NCOA1: variants seen among roughly 807,000 people sequenced by gnomAD.
NCOA1 encodes Hin-2 protein.
In NCOA1, 35 loss-of-function variants were observed where a neutral mutation model predicts 150.9. The observed-to-expected ratio is 0.23, with a 90% CI of 0.18 to 0.31. The LOEUF (loss-of-function observed/expected upper bound fraction) is 0.31, where lower values mean the gene tolerates loss of function less well. NCOA1 is among the 10% of genes least tolerant of loss of function. The pLI is 1.00. For missense variants in NCOA1, 1,491 were observed against 1,749.3 expected, an observed-to-expected ratio of 0.85 and a Z score of 2.63; for synonymous variants, 590 against 630.0, an observed-to-expected ratio of 0.94 and a Z score of 0.95.
At chr2:24,712,842 C>G (rs1049972503) in intron 14 of NCOA1, among the ~76,000 whole-genome samples, 1 of 149,224 alleles carries the variant, frequency 6.7e-6, no homozygotes, top group Admixed American at 6.7e-5. Context: ...CCAGAAAGAA[C>G]AAAAAGATGC....
In NCOA1 at chr2:24,710,917, G is replaced by A; in HGVS notation, c.2419-14G>A. On this transcript the variant is annotated splice_polypyrimidine_tract_variant and intron_variant, in intron 13 of 22. Transcript: ENST00000348332. The stretch of plus-strand genomic sequence containing the variant: ...GTAAAATATATTTCCTCTAACTTTG[G>A]TTTCCATTCTTAGTTTACAGCTGAC... The A allele has an allele frequency of 6.2e-7, 1 of 1,611,418 alleles. No individual in the cohort carries two copies. Among genetic ancestry groups the A allele is most frequent in the Non-Finnish European group, 8.5e-7 (1 of 1,178,772 alleles).
intron 11 of NCOA1, among the ~76,000 whole-genome samples, chr2:24,701,561 T>C (rs988166750): frequency 2.6e-5 from 4 of 151,308 alleles, no homozygotes; most frequent in Admixed American, 2.6e-4. Context: ...TAATATGATC[T>C]CACTTTTACA....
At position 24,686,914 on chromosome 2, in the gene NCOA1, T is replaced by A. The variant is rs574911444; in HGVS notation, c.532+3786T>A. 8.1e-4 allele frequency among the ~76,000 whole-genome samples: 123 copies of A among 152,310 alleles called. 1 individual carries two copies. Among genetic ancestry groups the A allele is most frequent in the African/African-American group, 2.8e-3 (116 of 41,578 alleles). On this transcript the variant is annotated intron_variant, in intron 8 of 22. Coordinates refer to ENST00000348332, the MANE Select transcript of NCOA1 (RefSeq NM_003743.5). ...ATTACCAGAATGACTTTAGTTTCTT[T>A]AGTTTTGGTGATTATTTTTCAACTT...
At chr2:24,567,064 G>A (rs893097517) in intron 2 of NCOA1, among the ~76,000 whole-genome samples, 2 of 152,238 alleles carry the variant, frequency 1.3e-5, no homozygotes, top group African/African-American at 4.8e-5. Flanking sequence ...CACTGCAGCT[G>A]CTCTAGATGG....
intron 14 of NCOA1, among the ~76,000 whole-genome samples, chr2:24,713,487 C>T (rs112133529): frequency 2.6e-4 from 39 of 152,176 alleles, no homozygotes; most frequent in Middle Eastern, 6.8e-3. Context: ...TAATTCCATA[C>T]AGTGAATCAG....
At chr2:24,651,968 G>A (rs1353652616) in intron 4 of NCOA1, among the ~76,000 whole-genome samples, 1 of 152,006 alleles carries the variant, frequency 6.6e-6, no homozygotes, top group Non-Finnish European at 1.5e-5. Flanking sequence ...GTGGAAAACT[G>A]GCTTTGATAA....
chr2:24,678,418 T>C, intron 7 of NCOA1, among the ~76,000 whole-genome samples: 1 of 152,234 alleles, frequency 6.6e-6, no homozygotes, highest in Non-Finnish European at 1.5e-5. Context: ...ATGGGATTGC[T>C]GGGTCATATG....
intron 21 of NCOA1, among the ~76,000 whole-genome samples, chr2:24,761,265 C>T (rs981552473): frequency 6.6e-6 from 1 of 152,138 alleles, no homozygotes; most frequent in Admixed American, 6.5e-5. Context: ...TCACATTCAC[C>T]GATTCTCTAG....
chr2:24,705,925 C>G (rs1673400934), intron 12 of NCOA1, among the ~76,000 whole-genome samples: 1 of 152,056 alleles, frequency 6.6e-6, no homozygotes, highest in African/African-American at 2.4e-5. Flanking sequence ...TCACTGAAAA[C>G]CTGAATTCAG....
intron 1 of NCOA1, among the ~76,000 whole-genome samples, chr2:24,556,370 A>G (rs1294466908): frequency 6.6e-6 from 1 of 152,120 alleles, no homozygotes; most frequent in Non-Finnish European, 1.5e-5. Context: ...GTGTATATGT[A>G]CCACATTTTG....
intron 3 of NCOA1, among the ~76,000 whole-genome samples, chr2:24,639,934 A>G (rs1425272396): frequency 0.052 from 1,350 of 25,920 alleles, 116 homozygotes; most frequent in East Asian, 0.16. Flanking sequence ...ATATATATAT[A>G]TATATATATA....
chr2:24,522,508 A>G (rs1664457513), intron 1 of NCOA1, among the ~76,000 whole-genome samples: 1 of 152,204 alleles, frequency 6.6e-6, no homozygotes, highest in Non-Finnish European at 1.5e-5. Flanking sequence ...ATAAGGGTAC[A>G]TGTTAGAAGG....
rs1666407073 is a variant in NCOA1 at position 24,564,340 on chromosome 2, TA to T, written c.-346del. The T allele has an allele frequency of 6.6e-6, 1 of 152,218 alleles. No homozygotes were observed. The highest frequency in any genetic ancestry group is 2.4e-5 in the African/African-American group (1 of 41,458). 9.4% of individuals were successfully genotyped at this position (152,218 alleles called of 1,614,324 possible). ...ATGTAACTGGAACTGACTCTGATGA[TA>T]AAATCAAGGACCATCAAGCAAGATC... On this transcript the variant is annotated 5_prime_UTR_variant, in exon 2 of 23. An upstream open reading frame in the 5' UTR gains an earlier in-frame stop. Coordinates refer to ENST00000348332, the MANE Select transcript of NCOA1 (RefSeq NM_003743.5).
At chr2:24,736,729 G>C (rs1171130024) in intron 17 of NCOA1, among the ~76,000 whole-genome samples, 1 of 152,170 alleles carries the variant, frequency 6.6e-6, no homozygotes, top group African/African-American at 2.4e-5. Context: ...TGTTATGGGG[G>C]AGATGTTGTG....
chr2:24,506,947 A>G (rs866074707), intron 1 of NCOA1, among the ~76,000 whole-genome samples: 4 of 152,214 alleles, frequency 2.6e-5, no homozygotes, highest in Non-Finnish European at 2.9e-5. Context: ...ACATTTATTA[A>G]GAGCTATTAA....
intron 1 of NCOA1, among the ~76,000 whole-genome samples, chr2:24,522,910 A>T (rs911259064): frequency 6.6e-6 from 1 of 152,176 alleles, no homozygotes; most frequent in Non-Finnish European, 1.5e-5. Flanking sequence ...AGAAGGGAGG[A>T]TTGAGTATTG....
intron 1 of NCOA1, among the ~76,000 whole-genome samples, chr2:24,511,193 G>A (rs1286111682): frequency 6.6e-6 from 1 of 151,982 alleles, no homozygotes; most frequent in Non-Finnish European, 1.5e-5. Context: ...CCTTTTTATG[G>A]CCAAATAATG....
At chr2:24,633,701 A>G (rs970589535) in intron 3 of NCOA1, among the ~76,000 whole-genome samples, 2 of 152,168 alleles carry the variant, frequency 1.3e-5, no homozygotes, top group Non-Finnish European at 2.9e-5. Flanking sequence ...ATTGGGAAGG[A>G]TATGGGGAAA....
At chr2:24,509,197 TTA>T (rs1470948845) in intron 1 of NCOA1, among the ~76,000 whole-genome samples, 1 of 152,214 alleles carries the variant, frequency 6.6e-6, no homozygotes. Context: ...AATCTAATCT[TTA>T]TAACAATCCT....
Sources: gnomAD v4.1 joint callset for allele counts (sites outside exome capture counted in the v4.1 genomes callset) on GRCh38, gnomAD v4.1.1 for gene constraint, MANE v1.5 for transcripts, NCBI Gene and HGNC (gene_info 2026-07-23, HGNC 2026-07-21) for gene names.